The following CNTN1 variants were observed in gnomAD, a reference collection of about 807,000 sequenced individuals.
CNTN1 encodes contactin 1, also known as contactin-1.
A neutral mutation model predicts 126.4 loss-of-function variants in CNTN1; 38 were observed. That is an observed-to-expected ratio of 0.30 (90% CI 0.23 to 0.39). The LOEUF is 0.39. Among genes scored for constraint, CNTN1 ranks in the 10% least tolerant of loss-of-function variants. The pLI, the probability that CNTN1 is intolerant of heterozygous loss-of-function variation, is 1.00. For synonymous variants in CNTN1, 413 were observed against 422.6 expected, an observed-to-expected ratio of 0.98 and a Z score of 0.28; for missense variants, 1,009 against 1,248.4, an observed-to-expected ratio of 0.81 and a Z score of 2.89.
chr12:40,976,486 T>G (rs1367061147), intron 15 of CNTN1, among the ~76,000 whole-genome samples: 1 of 151,882 alleles, frequency 6.6e-6, no homozygotes, highest in Non-Finnish European at 1.5e-5. Context: ...TTGCTTACAT[T>G]TTCCCTGGTT....
At chr12:40,959,374 C>T (rs1947023132) in intron 15 of CNTN1, 140 bp downstream of exon 15, 1 of 887,584 alleles carries the variant, frequency 1.1e-6, no homozygotes, top group South Asian at 1.4e-5. Context: ...TCTTAAGCTT[C>T]TTCCCATGCC....
At chr12:40,867,228 A>G (rs942386676) in intron 1 of CNTN1, among the ~76,000 whole-genome samples, 1 of 152,170 alleles carries the variant, frequency 6.6e-6, no homozygotes, top group Non-Finnish European at 1.5e-5. Flanking sequence ...GTCTAGTGAC[A>G]TAGAAACTAA....
chr12:41,025,988 A>T (rs1949030427), intron 21 of CNTN1, among the ~76,000 whole-genome samples: 2 of 152,156 alleles, frequency 1.3e-5, no homozygotes, highest in Admixed American at 1.3e-4. Context: ...GAGTGTGAAA[A>T]TTTATGAAAT....
chr12:40,854,414 C>G (rs1435783247), intron 1 of CNTN1, among the ~76,000 whole-genome samples: 1 of 152,060 alleles, frequency 6.6e-6, no homozygotes, highest in Non-Finnish European at 1.5e-5. Flanking sequence ...CCCACATTCT[C>G]ATATTTAGTT....
chr12:40,725,790 C>T (rs73110845), intron 1 of CNTN1, among the ~76,000 whole-genome samples: 1,786 of 152,136 alleles, frequency 0.012, 24 homozygotes, highest in African/African-American at 0.04. Context: ...AATCCCTTTC[C>T]ACTATTGCAA....
chr12:40,751,483 A>T (rs1289699018), intron 1 of CNTN1, among the ~76,000 whole-genome samples: 1 of 152,034 alleles, frequency 6.6e-6, no homozygotes, highest in Non-Finnish European at 1.5e-5. Flanking sequence ...TTGTATCAGG[A>T]GAAGGAGTCA....
At chr12:40,891,663 T>C (rs1944243706) in intron 1 of CNTN1, among the ~76,000 whole-genome samples, 2 of 152,030 alleles carry the variant, frequency 1.3e-5, no homozygotes, top group Non-Finnish European at 1.5e-5. Context: ...TTAAATTGCC[T>C]TTGTTTCTTT....
intron 15 of CNTN1, among the ~76,000 whole-genome samples, chr12:40,969,547 G>C (rs1394463794): frequency 6.6e-6 from 1 of 152,106 alleles, no homozygotes; most frequent in African/African-American, 2.4e-5. Context: ...ATGTTTAACT[G>C]TACACTATAC....
At chr12:40,770,365 G>A (rs1010551173) in intron 1 of CNTN1, among the ~76,000 whole-genome samples, 3 of 152,110 alleles carry the variant, frequency 2.0e-5, no homozygotes, top group East Asian at 1.9e-4. Flanking sequence ...CTTTTCTAAA[G>A]GGCCAACTTA....
chr12:41,040,823 A>G (rs1949386410), intron 23 of CNTN1, among the ~76,000 whole-genome samples: 1 of 147,980 alleles, frequency 6.8e-6, no homozygotes, highest in Non-Finnish European at 1.5e-5. Flanking sequence ...GGCTGAGACA[A>G]TGGGGTTTTC....
chr12:40,713,838 GTCTTTTCC>G (rs1456640182), intron 1 of CNTN1, among the ~76,000 whole-genome samples: 1 of 152,040 alleles, frequency 6.6e-6, no homozygotes, highest in Non-Finnish European at 1.5e-5. Flanking sequence ...AGAGTCATAT[GTCTTTTCC>G]ACATTTAGTG....
chr12:40,958,499 A>G (rs778365556), intron 14 of CNTN1, among the ~76,000 whole-genome samples: 1 of 151,958 alleles, frequency 6.6e-6, no homozygotes, highest in Non-Finnish European at 1.5e-5. Context: ...CACAAGCAAA[A>G]TTTCCTCAAG....
At chr12:40,821,022 A>G (rs1159857218) in intron 1 of CNTN1, among the ~76,000 whole-genome samples, 1 of 152,204 alleles carries the variant, frequency 6.6e-6, no homozygotes, top group Non-Finnish European at 1.5e-5. Context: ...AATCTTCCTA[A>G]AGGAATTACT....
At chr12:40,939,232 C>T (rs1946182443) in intron 11 of CNTN1, 103 bp from the exon 12 acceptor site, 3 of 1,247,700 alleles carry the variant, frequency 2.4e-6, no homozygotes, top group East Asian at 4.9e-5. Context: ...GAGATTAATC[C>T]TTTCCATTAA....
At chr12:40,809,931 G>T (rs1940994653) in intron 1 of CNTN1, among the ~76,000 whole-genome samples, 1 of 151,990 alleles carries the variant, frequency 6.6e-6, no homozygotes, top group Non-Finnish European at 1.5e-5. Context: ...TAAAAATCAG[G>T]TGACACTAAT....
chr12:40,997,144 T>C (rs548132249), intron 17 of CNTN1, among the ~76,000 whole-genome samples: 2 of 152,252 alleles, frequency 1.3e-5, no homozygotes, highest in Non-Finnish European at 2.9e-5. Context: ...GTATTTGTAA[T>C]TCATTTTAAC....
At chr12:40,823,872 C>T (rs767567593) in intron 1 of CNTN1, among the ~76,000 whole-genome samples, 9 of 152,236 alleles carry the variant, frequency 5.9e-5, no homozygotes, top group South Asian at 2.1e-4. Context: ...TTCTCATTAT[C>T]TCACCATATT....
rs530276936 is a variant in CNTN1 at position 40,777,545 on chromosome 12, A to G, written c.-77+84953A>G. On this transcript the variant is annotated intron_variant, in intron 1 of 23. Coordinates refer to ENST00000551295, the MANE Select transcript of CNTN1 (RefSeq NM_001843.4). ...ATATGGCATATTGCAGTGAATTAGA[A>G]AAAGATTCCTTCTGTAATATACATC... is the stretch of plus-strand genomic sequence containing the variant. Among the ~76,000 whole-genome samples the G allele has an allele frequency of 2.0e-5, 3 of 151,936 alleles. No individual in the cohort carries two copies. The East Asian group carries it at 5.8e-4, about 29-fold the overall frequency.
At chr12:40,802,998 G>C (rs1940713139) in intron 1 of CNTN1, among the ~76,000 whole-genome samples, 2 of 151,930 alleles carry the variant, frequency 1.3e-5, no homozygotes, top group African/African-American at 4.8e-5. Flanking sequence ...AAAATTGTTT[G>C]GAGAAATGCT....
Sources: gnomAD v4.1 joint callset for allele counts (sites outside exome capture counted in the v4.1 genomes callset) on GRCh38, gnomAD v4.1.1 for gene constraint, MANE v1.5 for transcripts, NCBI Gene and HGNC (gene_info 2026-07-23, HGNC 2026-07-21) for gene names.